The following DCAKD variants were observed in gnomAD, a reference collection of about 807,000 sequenced individuals.
DCAKD encodes dephospho-CoA kinase domain-containing protein.
Under a neutral mutation model 18.7 loss-of-function variants are expected in DCAKD, and 15 were observed. That is an observed-to-expected ratio of 0.80 (90% CI 0.54 to 1.24). The LOEUF is 1.24. Ranked by LOEUF, DCAKD falls within the 50% of genes most tolerant of loss-of-function variation. The pLI is 0.00. For missense variants in DCAKD, 301 were observed against 322.0 expected, an observed-to-expected ratio of 0.93 and a Z score of 0.50; for synonymous variants, 130 against 133.0, an observed-to-expected ratio of 0.98 and a Z score of 0.16.
At chr17:45,043,454 G>A (rs2053487218) in intron 1 of DCAKD, among the ~76,000 whole-genome samples, 2 of 152,148 alleles carry the variant, frequency 1.3e-5, no homozygotes, top group African/African-American at 4.8e-5. Context: ...CTGCAGGCTG[G>A]GCGGTAAGCC....
chr17:45,031,232 C>T (rs1381585737), intron 3 of DCAKD: 3 of 985,248 alleles, frequency 3.0e-6, no homozygotes, highest in South Asian at 4.7e-5. Context: ...GGGACAATGG[C>T]GGTGGGGGGG....
rs996516162 is a variant in DCAKD, at chr17:45,051,345, A to G, written c.-115+16T>C. 5.9e-5 allele frequency: 9 copies of G among 152,232 alleles called. No homozygotes were observed. Among genetic ancestry groups the G allele is most frequent in the Non-Finnish European group, 1.2e-4 (8 of 68,054 alleles). 9.4% of individuals were successfully genotyped at this position (152,232 alleles called of 1,614,324 possible). The stretch of plus-strand genomic sequence containing the variant: ...TTGCTGTCAAGACAATGGGCCGTGG[A>G]TATAAAAGCACTTGCCTTAGTGCTG... On this transcript the variant is annotated intron_variant, in intron 1 of 4. Transcript: ENST00000651974.
At chr17:45,041,330 G>C (rs987997063) in intron 1 of DCAKD, among the ~76,000 whole-genome samples, 10 of 126,634 alleles carry the variant, frequency 7.9e-5, no homozygotes, top group African/African-American at 2.7e-4. Context: ...TTTTTTTTTT[G>C]AGACGGAGTC....
intron 4 of DCAKD, chr17:45,026,736 T>C (rs896471469): frequency 2.0e-6 from 2 of 985,280 alleles, no homozygotes; most frequent in Non-Finnish European, 2.4e-6. Flanking sequence ...ACGGGGTCAG[T>C]GTACTGTGGC....
intron 1 of DCAKD, among the ~76,000 whole-genome samples, chr17:45,058,008 C>CAAAA (rs1183133616): frequency 3.5e-5 from 1 of 28,984 alleles, no homozygotes; most frequent in African/African-American, 1.4e-4. Flanking sequence ...GATTCCGTCT[C>CAAAA]AAAAAAAAAA....
At chr17:45,054,303 A>G (rs909286096), upstream of DCAKD, among the ~76,000 whole-genome samples, 2 of 151,660 alleles carry the variant, frequency 1.3e-5, no homozygotes, top group African/African-American at 4.9e-5. Flanking sequence ...GCTGGAGTAC[A>G]ATGGCGTGAT....
chr17:45,043,898 G>A (rs942681267), intron 1 of DCAKD, among the ~76,000 whole-genome samples: 12 of 151,884 alleles, frequency 7.9e-5, no homozygotes, highest in Non-Finnish European at 1.2e-4. Flanking sequence ...CGCAGTGCCC[G>A]GCCAGCGCTA....
rs143172047 is a variant in DCAKD, at chr17:45,024,690, G to A, written c.439C>T (p.Arg147Trp). The A allele has an allele frequency of 2.7e-4, 431 of 1,593,150 alleles. 1 individual carries two copies. The highest frequency in any genetic ancestry group is 7.0e-5 in the Non-Finnish European group (81 of 1,165,118). Residue 147 changes from arginine to tryptophan, a missense_variant, in exon 5 of 5, where the codon CGG becomes TGG. Arg to Trp is a moderately radical substitution (Grantham distance 101). Coordinates refer to ENST00000651974, the MANE Select transcript of DCAKD (RefSeq NM_001288655.2). ...GCGTCCTTGCGGTTCAGGCTGTTCC[G>A]CCGCATCAGCCGTGCCAGCTGTGTG... ...RDTQLARLMRRNSLNRKDAEA... is the reference protein window; with the variant it reads ...RDTQLARLMRWNSLNRKDAEA...
upstream of DCAKD, among the ~76,000 whole-genome samples, chr17:45,056,017 T>C (rs919361450): frequency 2.6e-5 from 4 of 152,012 alleles, no homozygotes; most frequent in African/African-American, 9.7e-5. Context: ...TAGCCAGGCA[T>C]GGTGGCTCGC....
exon 1 of DCAKD, chr17:45,061,099 C>A (rs1447271646): frequency 7.6e-7 from 1 of 1,318,890 alleles, no homozygotes; most frequent in African/African-American, 1.5e-5. Flanking sequence ...TTCCTCAAAG[C>A]GTGGCCGAAT....
At chr17:45,049,728 T>A (rs1941024440) in intron 1 of DCAKD, among the ~76,000 whole-genome samples, 1 of 145,800 alleles carries the variant, frequency 6.9e-6, no homozygotes, top group South Asian at 2.2e-4. Flanking sequence ...TTTTTTTTTT[T>A]TTTTTTTTGA....
At chr17:45,047,131 GAAA>G (rs11290490) in intron 1 of DCAKD, among the ~76,000 whole-genome samples, 1 of 139,760 alleles carries the variant, frequency 7.2e-6, no homozygotes, top group African/African-American at 2.6e-5. Flanking sequence ...TGATATTGCT[GAAA>G]AAAAAAAAAA....
intron 3 of DCAKD, chr17:45,032,210 T>C: frequency 5.2e-6 from 4 of 763,166 alleles, no homozygotes; most frequent in Non-Finnish European, 6.4e-6. Context: ...TGGCACAACA[T>C]AGGAGGCAGC....
chr17:45,026,219 T>A (rs942425138), intron 4 of DCAKD, among the ~76,000 whole-genome samples: 9 of 93,650 alleles, frequency 9.6e-5, no homozygotes, highest in Non-Finnish European at 2.0e-4. Context: ...GCGCCTGGAC[T>A]TTTTTTTTTT....
At chr17:45,052,419 A>C (rs758503023), upstream of DCAKD, among the ~76,000 whole-genome samples, 1 of 152,166 alleles carries the variant, frequency 6.6e-6, no homozygotes, top group Non-Finnish European at 1.5e-5. Context: ...ACACAACAGG[A>C]AACTATGTTT....
At position 45,049,057 on chromosome 17, in the gene DCAKD, G is replaced by A. The variant is rs200815795; in HGVS notation, c.-115+2304C>T. Among the ~76,000 whole-genome samples, 21 of 152,052 alleles carry A rather than the reference G, an allele frequency of 1.4e-4. No homozygotes were observed. In the East Asian group the frequency reaches 4.1e-3, roughly 29 times the overall value. The stretch of plus-strand genomic sequence containing the variant: ...TGATCCCGCCACTGCACTACAGCCT[G>A]GGTGACAGAGACCCTGTCTCAAAAA... On this transcript the variant is annotated intron_variant, in intron 1 of 4. Coordinates refer to ENST00000651974, the MANE Select transcript of DCAKD (RefSeq NM_001288655.2).
chr17:45,045,801 G>T (rs1186004171), intron 1 of DCAKD, among the ~76,000 whole-genome samples: 4 of 151,708 alleles, frequency 2.6e-5, no homozygotes, highest in African/African-American at 9.7e-5. Flanking sequence ...TTAGCTCATG[G>T]GCAAGCTGGA....
upstream of DCAKD, among the ~76,000 whole-genome samples, chr17:45,055,441 T>C (rs751656310): frequency 6.6e-6 from 1 of 152,120 alleles, no homozygotes; most frequent in Non-Finnish European, 1.5e-5. Flanking sequence ...AGTGGCACGA[T>C]CTTGGCTCAC....
chr17:45,035,616 C>T (rs1024493660), intron 1 of DCAKD, among the ~76,000 whole-genome samples: 2 of 152,040 alleles, frequency 1.3e-5, no homozygotes, highest in African/African-American at 4.8e-5. Flanking sequence ...GGCCAACTTC[C>T]TAGAGGAAGG....
Sources: allele counts gnomAD v4.1 joint callset (sites outside exome capture counted in the v4.1 genomes callset), GRCh38; gene constraint gnomAD v4.1.1; transcripts MANE v1.5; gene names NCBI Gene and HGNC (gene_info 2026-07-23, HGNC 2026-07-21).